The following RIC3 variants were observed in gnomAD, a reference collection of about 807,000 sequenced individuals.
RIC3 encodes protein RIC-3.
A neutral mutation model predicts 27.3 loss-of-function variants in RIC3; 28 were observed. The observed-to-expected ratio is 1.02, with a 90% CI of 0.76 to 1.41. The LOEUF (loss-of-function observed/expected upper bound fraction) is 1.41. Among genes scored for constraint, RIC3 ranks in the 40% most tolerant of loss-of-function variants. The pLI is 0.00. For missense variants in RIC3, 501 were observed against 444.7 expected (o/e 1.13, Z -1.14); for synonymous variants, 184 against 160.4 (o/e 1.15, Z -1.11).
chr11:8,100,596 C>T, the RIC3 span: 72 of 1,613,846 alleles, frequency 4.5e-5, no homozygotes, highest in Middle Eastern at 1.7e-4. Flanking sequence ...TATCCGCCCC[C>T]GCAACGTGAG....
At chr11:8,156,882 TTAAA>T (rs1189245404) in intron 1 of RIC3, among the ~76,000 whole-genome samples, 4 of 152,196 alleles carry the variant, frequency 2.6e-5, no homozygotes, top group Non-Finnish European at 4.4e-5. Flanking sequence ...TAGCCTGTAC[TTAAA>T]TGAACCGGGA....
intron 1 of RIC3, among the ~76,000 whole-genome samples, chr11:8,163,508 A>G (rs1233519655): frequency 6.6e-6 from 1 of 152,168 alleles, no homozygotes; most frequent in Non-Finnish European, 1.5e-5. Context: ...AACTATCTCT[A>G]TATGCAGACA....
At chr11:8,168,569 G>A (rs1414994394) in intron 1 of RIC3, among the ~76,000 whole-genome samples, 1 of 152,176 alleles carries the variant, frequency 6.6e-6, no homozygotes, top group Non-Finnish European at 1.5e-5. Context: ...TAAGCCAGCG[G>A]GGTAAGAGAG....
intron 5 of RIC3, among the ~76,000 whole-genome samples, chr11:8,121,433 C>T (rs747376614): frequency 1.3e-4 from 19 of 151,940 alleles, no homozygotes; most frequent in Non-Finnish European, 2.2e-4. Context: ...TTAAATATAT[C>T]CACCAGGCGC....
At chr11:8,142,024 G>A (rs1473604573) in intron 1 of RIC3, among the ~76,000 whole-genome samples, 169 of 150,702 alleles carry the variant, frequency 1.1e-3, no homozygotes, top group Non-Finnish European at 2.1e-3. Flanking sequence ...CGCATTCAAA[G>A]CAGTGTGTAG....
At chr11:8,123,098 G>A (rs368080619) in intron 5 of RIC3, among the ~76,000 whole-genome samples, 2 of 151,878 alleles carry the variant, frequency 1.3e-5, no homozygotes, top group Admixed American at 6.6e-5. Flanking sequence ...AAAAAACACT[G>A]AATAAGATTA....
chr11:8,164,026 A>G (rs1293619474), intron 1 of RIC3, among the ~76,000 whole-genome samples: 1 of 152,230 alleles, frequency 6.6e-6, no homozygotes, highest in Non-Finnish European at 1.5e-5. Context: ...TATAATTGAG[A>G]GTCCAGAAAC....
At chr11:8,157,930 T>C (rs1950812733) in intron 1 of RIC3, among the ~76,000 whole-genome samples, 1 of 152,152 alleles carries the variant, frequency 6.6e-6, no homozygotes, top group South Asian at 2.1e-4. Flanking sequence ...ATTTCCATAA[T>C]ACATGAACAG....
Position 8,126,728 on chromosome 11 carries a change from C to G in RIC3, c.601G>C (p.Gly201Arg). Residue 201 changes from glycine to arginine, a missense_variant, in exon 5 of 6, where the codon GGA becomes CGA. By Grantham distance (125) the Gly-to-Arg change is moderately radical. Coordinates refer to ENST00000309737, the MANE Select transcript of RIC3 (RefSeq NM_001206671.4). Reference sequence around the variant, plus strand: ...GGAGAAAATCTGTCAATGAATTTTCCTTCTTTCATGACCCTGGTGATTTCT... The same window carrying G: ...GGAGAAAATCTGTCAATGAATTTTCGTTCTTTCATGACCCTGGTGATTTCT... ...LREITRVMKEGKFIDRFSPEK... is the reference protein window; with the variant it reads ...LREITRVMKERKFIDRFSPEK... The G allele has an allele frequency of 6.2e-7, 1 of 1,614,112 alleles. No homozygotes were observed. Among genetic ancestry groups the G allele is most frequent in the Non-Finnish European group, 8.5e-7 (1 of 1,180,014 alleles).
intron 5 of RIC3, among the ~76,000 whole-genome samples, chr11:8,115,419 C>A (rs956269714): frequency 1.3e-5 from 2 of 151,966 alleles, no homozygotes; most frequent in African/African-American, 4.8e-5. Context: ...GGAGCTTATC[C>A]CCACAAGATC....
In RIC3 at chr11:8,138,363, G is replaced by A; in HGVS notation, c.352-16C>T. ...CCTTTGAGAGCTGAGAATTGAAGGAGGTATAGCACATCAACAGCAGCTCAG... is the reference window on the plus strand; with the variant it reads ...CCTTTGAGAGCTGAGAATTGAAGGAAGTATAGCACATCAACAGCAGCTCAG... On this transcript the variant is annotated splice_polypyrimidine_tract_variant and intron_variant, in intron 2 of 5. Transcript: ENST00000309737. 1 of 1,563,692 alleles carries A rather than the reference G, an allele frequency of 6.4e-7. No homozygotes were observed. Among genetic ancestry groups the A allele is most frequent in the South Asian group, 1.1e-5 (1 of 89,930 alleles).
At chr11:8,113,571 G>T (rs894138353) in intron 5 of RIC3, among the ~76,000 whole-genome samples, 3 of 152,116 alleles carry the variant, frequency 2.0e-5, no homozygotes, top group Admixed American at 1.3e-4. Flanking sequence ...ATTGGAGCCT[G>T]CAGACACAGG....
intron 1 of RIC3, among the ~76,000 whole-genome samples, chr11:8,151,584 T>C (rs1950230901): frequency 2.5e-5 from 1 of 39,816 alleles, no homozygotes; most frequent in African/African-American, 3.1e-4. Flanking sequence ...AAACTCCGTC[T>C]CAAAAAAAAA....
intron 1 of RIC3, among the ~76,000 whole-genome samples, chr11:8,162,987 G>C (rs1951320599): frequency 6.7e-6 from 1 of 148,154 alleles, no homozygotes; most frequent in Non-Finnish European, 1.5e-5. Flanking sequence ...CTTCTACCTA[G>C]AATGCCCTTC....
At position 8,168,758 on chromosome 11, in the gene RIC3, T is replaced by C. The variant is rs113765487; in HGVS notation, c.124+108A>G. On this transcript the variant is annotated intron_variant, in intron 1 of 5. Coordinates refer to ENST00000309737, the MANE Select transcript of RIC3 (RefSeq NM_001206671.4). Reference sequence around the variant, plus strand: ...CGCCCGCCCTCTCCAGTCAGTTTGGTGGATATTTCGGTGAAGGCTGCAGAC... The same window carrying C: ...CGCCCGCCCTCTCCAGTCAGTTTGGCGGATATTTCGGTGAAGGCTGCAGAC... 8 of 1,443,166 alleles carry C rather than the reference T, an allele frequency of 5.5e-6. No homozygotes were observed. In the Admixed American group the frequency reaches 1.4e-4, roughly 26 times the overall value. The allele number at this position is 1,443,166 out of a possible 1,614,324, so 89.4% of individuals were successfully genotyped here.
chr11:8,144,603 A>C (rs1949469002), intron 1 of RIC3, among the ~76,000 whole-genome samples: 1 of 151,966 alleles, frequency 6.6e-6, no homozygotes, highest in African/African-American at 2.4e-5. Flanking sequence ...TAGTTCAACC[A>C]TTGTGGAAGT....
At chr11:8,140,677 AC>A (rs1406121312) in intron 1 of RIC3, among the ~76,000 whole-genome samples, 1 of 152,200 alleles carries the variant, frequency 6.6e-6, no homozygotes, top group Non-Finnish European at 1.5e-5. Context: ...CACTGCTGCC[AC>A]CTCACTAACT....
Position 8,164,850 on chromosome 11 carries a change from T to C in RIC3, c.124+4016A>G, listed in dbSNP as rs536042321. Among the ~76,000 whole-genome samples the C allele has an allele frequency of 2.0e-4, 27 of 137,864 alleles. No individual in the cohort carries two copies. In the South Asian group the frequency reaches 4.9e-3, roughly 25 times the overall value. The allele number at this position is 137,864 out of a possible 152,430, so 90.4% of individuals were successfully genotyped here. A position where few individuals can be genotyped will look rare whatever the true frequency, so the allele number is the denominator to read the frequency against. On this transcript the variant is annotated intron_variant, in intron 1 of 5. Coordinates refer to ENST00000309737, the MANE Select transcript of RIC3 (RefSeq NM_001206671.4). ...TTAAAGAGGGTTAAAAGGACCTGAA[T>C]AGACATTTCTCCAAAACAAGATATA...
At position 8,122,864 on chromosome 11, in the gene RIC3, CAAAAAAA is replaced by C. The variant is rs55826618; in HGVS notation, c.670+3788_670+3794del. ...ATCCAATCAAAACCTACCAGGTATG[CAAAAAAA>C]AAAAAAAAAAAAAAAGGGAAATTAG... On this transcript the variant is annotated intron_variant, in intron 5 of 5. Transcript: ENST00000309737. 1.1e-3 allele frequency among the ~76,000 whole-genome samples: 72 copies of C among 63,528 alleles called. No homozygotes were observed. The East Asian group carries it at 0.03, about 27-fold the overall frequency. 41.7% of individuals were successfully genotyped at this position (63,528 alleles called of 152,430 possible).
Sources: allele counts gnomAD v4.1 joint callset (sites outside exome capture counted in the v4.1 genomes callset), GRCh38; gene constraint gnomAD v4.1.1; transcripts MANE v1.5; gene names NCBI Gene and HGNC (gene_info 2026-07-23, HGNC 2026-07-21).